NAF1: variants seen among roughly 807,000 people sequenced by gnomAD.
NAF1 encodes H/ACA ribonucleoprotein complex non-core subunit NAF1.
A neutral mutation model predicts 40.6 loss-of-function variants in NAF1; 11 were observed. The observed-to-expected ratio is 0.27, with a 90% confidence interval of 0.17 to 0.45. The LOEUF (loss-of-function observed/expected upper bound fraction) is 0.45. Ranked by LOEUF, NAF1 falls within the 20% of genes least tolerant of loss-of-function variation. The probability of loss-of-function intolerance (pLI) is 1.00; values close to 1 mark genes in which losing one functional copy is unlikely to be tolerated. For missense variants in NAF1, 607 were observed against 611.1 expected (o/e 0.99, Z 0.07); for synonymous variants, 260 against 228.5 (o/e 1.14, Z -1.24).
intron 3 of NAF1, 56 bp downstream of exon 3, chr4:163,148,284 AT>A (rs1731555869): frequency 9.5e-7 from 1 of 1,050,990 alleles, no homozygotes; most frequent in African/African-American, 1.6e-5. Context: ...AAAGTCATTG[AT>A]TCAATTATTA....
intron 5 of NAF1, among the ~76,000 whole-genome samples, chr4:163,138,020 A>G (rs1201323680): frequency 6.6e-6 from 1 of 152,154 alleles, no homozygotes; most frequent in Non-Finnish European, 1.5e-5. Flanking sequence ...TTAATTTCAT[A>G]GTTTCAGCTA....
chr4:163,166,859 A>C lies in NAF1; in HGVS notation c.-132T>G. On this transcript the variant is annotated 5_prime_UTR_variant, in exon 1 of 8. Coordinates refer to ENST00000274054, the MANE Select transcript of NAF1 (RefSeq NM_138386.3). ...CTGGGCCCAACTTCCCGCGTTTCTC[A>C]GGTAACTACACGCGGAGGAGCCAAA... 9.7e-6 allele frequency: 12 copies of C among 1,236,256 alleles called. No individual in the cohort carries two copies. The highest frequency in any genetic ancestry group is 1.3e-5 in the Non-Finnish European group (12 of 911,804). 76.6% of individuals were successfully genotyped at this position (1,236,256 alleles called of 1,614,324 possible).
chr4:163,139,136 A>C (rs1024761229), intron 5 of NAF1, among the ~76,000 whole-genome samples: 3 of 152,144 alleles, frequency 2.0e-5, no homozygotes, highest in Non-Finnish European at 2.9e-5. Context: ...TTGATTTAAC[A>C]TGTAAGTGGT....
At chr4:163,164,521 T>G (rs1459350958) in intron 1 of NAF1, 130 bp from the exon 2 acceptor site, 1 of 676,496 alleles carries the variant, frequency 1.5e-6, no homozygotes, top group Non-Finnish European at 2.2e-6. Context: ...TAAAATAAGA[T>G]TATGCAATTA....
At position 163,148,411 on chromosome 4, in the gene NAF1, G is replaced by C. The variant is rs1454760715; in HGVS notation, c.564C>G (p.Leu188=). 2 of 1,583,596 alleles carry C rather than the reference G, an allele frequency of 1.3e-6. No individual in the cohort carries two copies. Among genetic ancestry groups the C allele is most frequent in the East Asian group, 2.3e-5 (1 of 43,752 alleles). The part of the protein sequence containing the change: ...LLNELPSVEE[L]TIILPEDIEL... ...CAATATCTTCAGGCAGAATAATAGT[G>C]AGTTCTTCAACAGAAGGCAGTTCCT... Residue 188 remains leucine, a synonymous_variant, in exon 3 of 8, where the codon CTC becomes CTG. Transcript: ENST00000274054.
At chr4:163,128,318 G>C (rs1315029170), downstream of NAF1, among the ~76,000 whole-genome samples, 3 of 152,070 alleles carry the variant, frequency 2.0e-5, no homozygotes, top group Non-Finnish European at 4.4e-5. Flanking sequence ...GATAATGGAA[G>C]CTTGCCTATG....
At chr4:163,115,269 C>G (rs940082793) in intron 2 of NAF1, among the ~76,000 whole-genome samples, 1 of 134,056 alleles carries the variant, frequency 7.5e-6, no homozygotes, top group East Asian at 2.5e-4. Context: ...AGTGCAGTGG[C>G]GCCATCTCGG....
In NAF1 at chr4:163,159,362, A is replaced by G. The variant is rs956715279; in HGVS notation, c.540+4855T>C. Among the ~76,000 whole-genome samples, 8 of 152,248 alleles carry G rather than the reference A, an allele frequency of 5.3e-5. No homozygotes were observed. The East Asian group carries it at 5.8e-4, about 11-fold the overall frequency. ...AACAAGCACTTTGGGAAGAATGTTA[A>G]TAAGTGCTATCAAAGTGTATTCTAA... On this transcript the variant is annotated intron_variant, in intron 2 of 7. Coordinates refer to ENST00000274054, the MANE Select transcript of NAF1 (RefSeq NM_138386.3).
rs1458543141 is a variant in NAF1, at chr4:163,145,720, A to G, written c.717+62T>C. ...TAAACTCTTCTGAGAACTGATGGGG[A>G]AAGTCAGAAAAAAACAATAAATAAA... On this transcript the variant is annotated intron_variant, in intron 4 of 7. Transcript: ENST00000274054. 3 of 1,077,290 alleles carry G rather than the reference A, an allele frequency of 2.8e-6. No individual in the cohort carries two copies. In the East Asian group the frequency reaches 7.9e-5, roughly 28 times the overall value. The allele number at this position is 1,077,290 out of a possible 1,614,324, so 66.7% of individuals were successfully genotyped here.
intron 2 of NAF1, among the ~76,000 whole-genome samples, chr4:163,155,902 T>C (rs972025943): frequency 2.0e-5 from 3 of 150,070 alleles, no homozygotes; most frequent in Non-Finnish European, 4.4e-5. Context: ...GAATTAGATG[T>C]AAAAGGCATA....
rs773063431 is a variant in NAF1, at chr4:163,129,243, G to T, written c.1139C>A (p.Ala380Asp). Residue 380 changes from alanine (A) to aspartate (D), a missense_variant, in exon 8 of 8, where the codon GCC (alanine) becomes GAC (aspartate). This residue lies in a region of NAF1 where 189 missense variants were observed against 216.6 expected (regional missense o/e 0.87). Transcript: ENST00000274054. ...GCCATGGCAAGATCGAGGGTATCTG[G>T]CCCTGGAAAATCCTCGTGTGAATTC... ...NREFTRGFSR[A>D]RYPRSCHGRP... is the part of the protein sequence containing the mutation. 4 of 1,614,060 alleles carry T rather than the reference G, an allele frequency of 2.5e-6. No individual in the cohort carries two copies. In the East Asian group the frequency reaches 8.9e-5, roughly 36 times the overall value.
At chr4:163,123,745 A>G (rs964885655), downstream of NAF1, among the ~76,000 whole-genome samples, 4 of 152,206 alleles carry the variant, frequency 2.6e-5, no homozygotes, top group Non-Finnish European at 4.4e-5. Flanking sequence ...ATTTCATTCT[A>G]TATTTGCAAC....
At chr4:163,109,362 A>G (rs764186068), downstream of NAF1, among the ~76,000 whole-genome samples, 5 of 152,070 alleles carry the variant, frequency 3.3e-5, no homozygotes, top group Non-Finnish European at 5.9e-5. Context: ...TGCACTTAAA[A>G]TAATTTCATG....
chr4:163,130,975 T>C (rs1172333764), intron 7 of NAF1, among the ~76,000 whole-genome samples: 1 of 152,104 alleles, frequency 6.6e-6, no homozygotes, highest in African/African-American at 2.4e-5. Flanking sequence ...GCTGCCCGGG[T>C]CCCAGCTGAC....
intron 2 of NAF1, among the ~76,000 whole-genome samples, chr4:163,153,434 C>A (rs1002205559): frequency 2.0e-5 from 3 of 152,178 alleles, no homozygotes; most frequent in African/African-American, 7.2e-5. Flanking sequence ...CTGTATCTAG[C>A]TGCTCTGGTG....
chr4:163,151,143 T>C (rs2110991129), intron 2 of NAF1, among the ~76,000 whole-genome samples: 1 of 152,122 alleles, frequency 6.6e-6, no homozygotes, highest in East Asian at 1.9e-4. Context: ...GACATTTGTC[T>C]TTTATCAAAT....
chr4:163,148,552 T>TC (rs1246596857), intron 2 of NAF1, 118 bp from the exon 3 acceptor site: 2 of 673,864 alleles, frequency 3.0e-6, no homozygotes, highest in Non-Finnish European at 2.5e-6. Context: ...GCTTAGAGCA[T>TC]CTCTTTAATG....
At chr4:163,155,315 T>A (rs768932204) in intron 2 of NAF1, among the ~76,000 whole-genome samples, 49 of 152,300 alleles carry the variant, frequency 3.2e-4, no homozygotes, top group Admixed American at 7.8e-4. Flanking sequence ...TTAGTCCCAA[T>A]CATAACGAGG....
In NAF1 at chr4:163,148,341, C is replaced by T; in HGVS notation, c.634G>A (p.Val212Ile). 1 of 1,520,748 alleles carries T rather than the reference C, an allele frequency of 6.6e-7. No individual in the cohort carries two copies. Among genetic ancestry groups the T allele is most frequent in the Non-Finnish European group, 8.8e-7 (1 of 1,132,962 alleles). 94.2% of individuals were successfully genotyped at this position (1,520,748 alleles called of 1,614,324 possible). The change falls in exon 3 of 8, where the codon GTA becomes ATA. Residue 212 changes from valine (V) to isoleucine (I), a missense_variant and splice_region_variant. This residue lies in a region of NAF1 where 407 missense variants were observed against 365.5 expected (regional missense o/e 1.11). Coordinates refer to ENST00000274054, the MANE Select transcript of NAF1 (RefSeq NM_138386.3). ...GMVSSIIEQL[V>I]IIESMTNLPP... ...TTTATTAATAGAATTCTTAACATAC[C>T]TAGTTGTTCAATAATACTTGAAACC...
Sources: allele counts gnomAD v4.1 joint callset (sites outside exome capture counted in the v4.1 genomes callset), GRCh38; gene constraint gnomAD v4.1.1; regional missense constraint gnomAD v4.1.1; transcripts MANE v1.5; gene names NCBI Gene and HGNC (gene_info 2026-07-23, HGNC 2026-07-21).